Variants in DIP2B observed in about 807,000 individuals in gnomAD.
DIP2B encodes the protein DIP2 acetate--CoA ligase B (putative).
Under a neutral mutation model 198.0 loss-of-function variants are expected in DIP2B, and 76 were observed. The observed-to-expected ratio is 0.38, with a 90% CI of 0.32 to 0.46. DIP2B has a LOEUF of 0.46. Among genes scored for constraint, DIP2B ranks in the 20% least tolerant of loss-of-function variants. The probability of loss-of-function intolerance (pLI) is 0.99; values close to 1 mark genes in which losing one functional copy is unlikely to be tolerated. For missense variants in DIP2B, 1,559 were observed against 1,978.4 expected (o/e 0.79, Z 4.02); for synonymous variants, 701 against 739.1 (o/e 0.95, Z 0.84).
intron 1 of DIP2B, among the ~76,000 whole-genome samples, chr12:50,532,689 A>G (rs1271831591): frequency 1.3e-5 from 2 of 152,136 alleles, no homozygotes; most frequent in African/African-American, 4.8e-5. Context: ...AAGATGAGTA[A>G]GAGTAGGTGA....
At chr12:50,570,132 C>T (rs764206274) in intron 1 of DIP2B, among the ~76,000 whole-genome samples, 8 of 152,114 alleles carry the variant, frequency 5.3e-5, no homozygotes, top group Non-Finnish European at 8.8e-5. Flanking sequence ...GAACATTTTC[C>T]GTGCCCTGAT....
chr12:50,544,474 T>C (rs2139378737), intron 1 of DIP2B, among the ~76,000 whole-genome samples: 1 of 152,144 alleles, frequency 6.6e-6, no homozygotes, highest in Non-Finnish European at 1.5e-5. Flanking sequence ...GCCCAGCTAA[T>C]TTTTTGTATT....
chr12:50,602,793 A>T lies in DIP2B; in HGVS notation c.101-23183A>T, dbSNP rs574745840. ...AGAATCACTTGAACCTGAGAGGTGGAGGTTGCAGTGAGCCGAGATCATACC... is the reference window on the plus strand; with the variant it reads ...AGAATCACTTGAACCTGAGAGGTGGTGGTTGCAGTGAGCCGAGATCATACC... On this transcript the variant is annotated intron_variant, in intron 1 of 37. Coordinates refer to ENST00000301180, the MANE Select transcript of DIP2B (RefSeq NM_173602.3). 2.3e-3 allele frequency among the ~76,000 whole-genome samples: 332 copies of T among 142,382 alleles called. 1 individual carries two copies. The highest frequency in any genetic ancestry group is 8.1e-3 in the African/African-American group (308 of 37,926). The allele number at this position is 142,382 out of a possible 152,430, so 93.4% of individuals were successfully genotyped here.
At chr12:50,636,940 CA>C (rs1478921646) in intron 2 of DIP2B, among the ~76,000 whole-genome samples, 2 of 152,150 alleles carry the variant, frequency 1.3e-5, no homozygotes, top group African/African-American at 2.4e-5. Context: ...TTCCAGACTC[CA>C]GACACTAGCA....
At chr12:50,737,387 C>G (rs975791448) in intron 35 of DIP2B, among the ~76,000 whole-genome samples, 1 of 152,092 alleles carries the variant, frequency 6.6e-6, no homozygotes, top group Non-Finnish European at 1.5e-5. Context: ...ATATTCCCAC[C>G]TATTAAGGTA....
chr12:50,684,800 G>A (rs953466288), intron 10 of DIP2B, among the ~76,000 whole-genome samples: 24 of 150,346 alleles, frequency 1.6e-4, no homozygotes, highest in African/African-American at 5.6e-4. Context: ...AAAAATAAAA[G>A]AAGAAATCAG....
At chr12:50,612,793 A>G (rs1268263497) in intron 1 of DIP2B, among the ~76,000 whole-genome samples, 1 of 152,202 alleles carries the variant, frequency 6.6e-6, no homozygotes, top group Non-Finnish European at 1.5e-5. Context: ...TTATTTATTC[A>G]ACAGTATTTA....
intron 3 of DIP2B, among the ~76,000 whole-genome samples, chr12:50,655,415 T>C (rs986266359): frequency 6.6e-6 from 1 of 152,232 alleles, no homozygotes; most frequent in East Asian, 1.9e-4. Context: ...GTAGTAATAC[T>C]TCTTTAAGCT....
chr12:50,532,243 G>A (rs1434095880), intron 1 of DIP2B, among the ~76,000 whole-genome samples: 2 of 152,200 alleles, frequency 1.3e-5, no homozygotes, highest in African/African-American at 4.8e-5. Context: ...GGCCGGGTGC[G>A]GTGGCTCATG....
chr12:50,537,336 C>T (rs923101659), intron 1 of DIP2B, among the ~76,000 whole-genome samples: 1 of 151,798 alleles, frequency 6.6e-6, no homozygotes, highest in Non-Finnish European at 1.5e-5. Flanking sequence ...TCATTTTTAC[C>T]TTACCTGTTG....
chr12:50,527,807 T>C (rs985556776), intron 1 of DIP2B, among the ~76,000 whole-genome samples: 1 of 152,234 alleles, frequency 6.6e-6, no homozygotes, highest in African/African-American at 2.4e-5. Flanking sequence ...AAATGTTAAT[T>C]AACAGAAAAT....
intron 1 of DIP2B, among the ~76,000 whole-genome samples, chr12:50,603,223 C>T (rs2139444940): frequency 1.3e-5 from 2 of 151,588 alleles, no homozygotes; most frequent in East Asian, 3.9e-4. Flanking sequence ...TTTTCTCAAG[C>T]AAATGAGTGG....
rs569958515 is a variant in DIP2B, at chr12:50,559,353, A to G, written c.100+54113A>G. The stretch of plus-strand genomic sequence containing the variant: ...TTTTGCTGGGCTGGCATAACAAAAT[A>G]ATGACGTTTAAAAGATTCAAGGGTA... On this transcript the variant is annotated intron_variant, in intron 1 of 37. Transcript: ENST00000301180. Among the ~76,000 whole-genome samples, 12 of 149,556 alleles carry G rather than the reference A, an allele frequency of 8.0e-5. No homozygotes were observed. The South Asian group carries it at 1.1e-3, about 13-fold the overall frequency.
intron 1 of DIP2B, among the ~76,000 whole-genome samples, chr12:50,587,545 G>A (rs757432242): frequency 1.3e-5 from 2 of 152,088 alleles, no homozygotes; most frequent in Non-Finnish European, 2.9e-5. Context: ...AAATCATAGA[G>A]GTGTATAGAA....
Position 50,747,485 on chromosome 12 carries a change from AG to A in DIP2B, c.*2647del, listed in dbSNP as rs1565890067. 6.6e-6 allele frequency: 1 copy of A among 152,244 alleles called. No homozygotes were observed. Among genetic ancestry groups the A allele is most frequent in the Non-Finnish European group, 1.5e-5 (1 of 68,056 alleles). The allele number at this position is 152,244 out of a possible 1,614,324, so 9.4% of individuals were successfully genotyped here. A position where few individuals can be genotyped will look rare whatever the true frequency, so the allele number is the denominator to read the frequency against. ...CTCTGGTAAAGCATCCTGTGGAGGGAGAGGAGAGCCCAGTCATTTGCTTAGA... is the reference window on the plus strand; with the variant it reads ...CTCTGGTAAAGCATCCTGTGGAGGGAAGGAGAGCCCAGTCATTTGCTTAGA... On this transcript the variant is annotated 3_prime_UTR_variant, in exon 38 of 38. Transcript: ENST00000301180.
Position 50,708,431 on chromosome 12 carries a change from T to G in DIP2B, c.2535-17T>G. 1 of 1,571,566 alleles carries G rather than the reference T, an allele frequency of 6.4e-7. No individual in the cohort carries two copies. Among genetic ancestry groups the G allele is most frequent in the Non-Finnish European group, 8.7e-7 (1 of 1,155,648 alleles). On this transcript the variant is annotated splice_polypyrimidine_tract_variant and intron_variant, in intron 21 of 37. Transcript: ENST00000301180. ...GTTGTGAAGGGAGTCCTGATGTGTT[T>G]GATCTGTCTCTCTTAGAATTGCTGT...
In DIP2B at chr12:50,669,101, C is replaced by G. The variant is rs74733716; in HGVS notation, c.428-2085C>G. On this transcript the variant is annotated intron_variant, in intron 4 of 37. Coordinates refer to ENST00000301180, the MANE Select transcript of DIP2B (RefSeq NM_173602.3). ...TCTTTGCTCTATGTACAAAGAAGTACTTGAAATCCCTGACTGTGGTTGGTT... is the reference window on the plus strand; with the variant it reads ...TCTTTGCTCTATGTACAAAGAAGTAGTTGAAATCCCTGACTGTGGTTGGTT... 6.1e-3 allele frequency among the ~76,000 whole-genome samples: 922 copies of G among 152,192 alleles called. 9 individuals are homozygous for G. Among genetic ancestry groups the G allele is most frequent in the African/African-American group, 0.021 (890 of 41,504 alleles).
At chr12:50,549,238 G>T (rs1413204355) in intron 1 of DIP2B, among the ~76,000 whole-genome samples, 1 of 151,774 alleles carries the variant, frequency 6.6e-6, no homozygotes, top group Non-Finnish European at 1.5e-5. Context: ...GGAGGCCGAG[G>T]TGGGTGGATC....
At chr12:50,710,622 G>A (rs865938320) in intron 22 of DIP2B, among the ~76,000 whole-genome samples, 3 of 151,928 alleles carry the variant, frequency 2.0e-5, no homozygotes, top group Admixed American at 1.3e-4. Flanking sequence ...ACAGATTTTC[G>A]CCATGTTGGC....
Sources: gnomAD v4.1 joint callset for allele counts (sites outside exome capture counted in the v4.1 genomes callset) on GRCh38, gnomAD v4.1.1 for gene constraint, MANE v1.5 for transcripts, NCBI Gene and HGNC (gene_info 2026-07-23, HGNC 2026-07-21) for gene names.